USP9X: variants seen among roughly 807,000 people sequenced by gnomAD.
The protein encoded by USP9X is ubiquitin specific peptidase 9 X-linked, also known as ubiquitin carboxyl-terminal hydrolase 9X.
A neutral mutation model predicts 190.3 loss-of-function variants in USP9X; 7 were observed. That is an observed-to-expected ratio of 0.04 (90% CI 0.02 to 0.07). USP9X has a LOEUF of 0.07. USP9X is among the 10% of genes least tolerant of loss of function. The pLI, the probability that USP9X is intolerant of heterozygous loss-of-function variation, is 1.00. For synonymous variants in USP9X, 645 were observed against 659.5 expected (o/e 0.98, Z 0.34); for missense variants, 1,010 against 1,916.9 (o/e 0.53, Z 8.83).
chrX:41,137,341 C>T (rs1169167494), intron 6 of USP9X, among the ~76,000 whole-genome samples: 1 of 110,889 alleles, frequency 9.0e-6, no homozygotes, highest in Non-Finnish European at 1.9e-5. Context: ...TCTGTAGGGC[C>T]GTGATCATTT....
At chrX:41,186,187 A>T (rs891638715) in intron 23 of USP9X, among the ~76,000 whole-genome samples, 4 of 111,284 alleles carry the variant, frequency 3.6e-5, no homozygotes, top group African/African-American at 1.3e-4. Context: ...GCATGTACAT[A>T]AAAGATGTAC....
intron 1 of USP9X, among the ~76,000 whole-genome samples, chrX:41,093,898 C>T (rs986691199): frequency 2.7e-5 from 3 of 111,851 alleles, no homozygotes; most frequent in Middle Eastern, 4.2e-3. Context: ...AGGTGACTGT[C>T]GTTTTTGAAA....
intron 26 of USP9X, among the ~76,000 whole-genome samples, chrX:41,193,031 T>C (rs186077561): frequency 1.8e-5 from 2 of 111,238 alleles, no homozygotes; most frequent in East Asian, 5.7e-4. Flanking sequence ...ATGGAGAAAG[T>C]ATATTTTAAG....
chrX:41,107,646 G>C (rs2062080295), intron 1 of USP9X, among the ~76,000 whole-genome samples: 1 of 111,651 alleles, frequency 9.0e-6, no homozygotes, highest in Non-Finnish European at 1.9e-5. Flanking sequence ...CGTTTCTGGG[G>C]CTCTCATTAT....
At chrX:41,214,546 C>T in intron 33 of USP9X, 22 bp from the exon 34 acceptor site, 2 of 1,143,327 alleles carry the variant, frequency 1.7e-6, no homozygotes, top group Non-Finnish European at 1.2e-6. Context: ...AGGGATAAAT[C>T]CTTTTTTTAA....
intron 14 of USP9X, among the ~76,000 whole-genome samples, chrX:41,154,626 C>G (rs1486356516): frequency 1.8e-5 from 2 of 111,761 alleles, no homozygotes; most frequent in Middle Eastern, 4.6e-3. Flanking sequence ...TTACATTCTT[C>G]AGTTTTTCCT....
intron 1 of USP9X, among the ~76,000 whole-genome samples, chrX:41,118,135 G>A (rs1012463029): frequency 3.6e-5 from 4 of 112,145 alleles, no homozygotes. Context: ...GGGATTACAG[G>A]CGTGAAACAC....
intron 1 of USP9X, among the ~76,000 whole-genome samples, chrX:41,117,257 C>T: frequency 9.0e-6 from 1 of 111,580 alleles, no homozygotes; most frequent in Non-Finnish European, 1.9e-5. Flanking sequence ...TTCACACTGC[C>T]GCTTTTCCCA....
chrX:41,225,843 T>TG (rs1210387337), intron 41 of USP9X, among the ~76,000 whole-genome samples: 1 of 112,961 alleles, frequency 8.9e-6, no homozygotes, highest in Non-Finnish European at 1.9e-5. Context: ...AGCCTTCTTG[T>TG]GGTTAGGAAC....
intron 21 of USP9X, among the ~76,000 whole-genome samples, chrX:41,176,484 C>G (rs1680584920): frequency 9.0e-6 from 1 of 111,427 alleles, no homozygotes; most frequent in Non-Finnish European, 1.9e-5. Flanking sequence ...AGATACAGTG[C>G]AAAAGAGTGG....
Position 41,163,871 on chromosome X carries a change from T to C in USP9X, c.1985+994T>C, listed in dbSNP as rs149016777. On this transcript the variant is annotated intron_variant, in intron 15 of 44. Coordinates refer to ENST00000378308, the MANE Select transcript of USP9X (RefSeq NM_001039591.3). ...GATTATCACTGCTTCTTGAAGTCTA[T>C]TTTATTTATTTATCTTATTTTTTTG... Among the ~76,000 whole-genome samples, 895 of 109,976 alleles carry C rather than the reference T, an allele frequency of 8.1e-3. 2 individuals are homozygous for C. Among genetic ancestry groups the C allele is most frequent in the Non-Finnish European group, 0.011 (568 of 52,674 alleles).
At position 41,149,716 on chromosome X, in the gene USP9X, T is replaced by TA. The variant is rs2062504868; in HGVS notation, c.1626+1141_1626+1142insA. Among the ~76,000 whole-genome samples, 4 of 110,012 alleles carry TA rather than the reference T, an allele frequency of 3.6e-5. No individual in the cohort carries two copies. The Admixed American group carries it at 3.9e-4, about 11-fold the overall frequency. On this transcript the variant is annotated intron_variant, in intron 12 of 44. Coordinates refer to ENST00000378308, the MANE Select transcript of USP9X (RefSeq NM_001039591.3). ...GAAGCCTCCTGAATAATTACTTTTT[T>TA]TTTTTGAGACGGAGTCTTGTTCTGT...
intron 36 of USP9X, 54 bp downstream of exon 36, chrX:41,217,397 T>C (rs2063222194): frequency 3.5e-6 from 4 of 1,127,144 alleles, no homozygotes; most frequent in Non-Finnish European, 4.7e-6. Flanking sequence ...TTTGCTTCTT[T>C]AATAGATTGC....
intron 1 of USP9X, among the ~76,000 whole-genome samples, chrX:41,087,153 A>G (rs1011676706): frequency 8.8e-6 from 1 of 113,043 alleles, no homozygotes; most frequent in Non-Finnish European, 1.9e-5. Flanking sequence ...TTTAGTTTAA[A>G]TAAGCAAGTT....
At chrX:41,178,892 A>G (rs1368455080) in intron 21 of USP9X, among the ~76,000 whole-genome samples, 1 of 111,863 alleles carries the variant, frequency 8.9e-6, no homozygotes, top group Non-Finnish European at 1.9e-5. Flanking sequence ...TTTACATATG[A>G]TGAATAATAG....
intron 5 of USP9X, among the ~76,000 whole-genome samples, chrX:41,135,611 AAGTCTCT>A (rs895534542): frequency 9.0e-6 from 1 of 111,180 alleles, no homozygotes; most frequent in African/African-American, 3.3e-5. Context: ...TAACTACTCT[AAGTCTCT>A]GTTGCTTTTG....
intron 32 of USP9X, among the ~76,000 whole-genome samples, chrX:41,207,105 T>G (rs1013863248): frequency 6.4e-4 from 36 of 56,060 alleles, no homozygotes; most frequent in Non-Finnish European, 3.9e-4. Flanking sequence ...TTTTTTTTTT[T>G]GGAGATAGAG....
intron 30 of USP9X, 110 bp downstream of exon 30, chrX:41,198,860 A>G (rs985011957): frequency 5.2e-5 from 39 of 755,664 alleles, no homozygotes; most frequent in Non-Finnish European, 7.0e-5. Flanking sequence ...TTCAGTAACT[A>G]GTTTAACATT....
intron 14 of USP9X, among the ~76,000 whole-genome samples, chrX:41,160,663 G>A (rs148696291): frequency 1.4e-3 from 157 of 111,693 alleles, no homozygotes; most frequent in Non-Finnish European, 2.1e-3. Context: ...CCTCCCTTCT[G>A]TGTTACTCGC....
Sources: gnomAD v4.1 joint callset for allele counts (sites outside exome capture counted in the v4.1 genomes callset) on GRCh38, gnomAD v4.1.1 for gene constraint, MANE v1.5 for transcripts, NCBI Gene and HGNC (gene_info 2026-07-23, HGNC 2026-07-21) for gene names.